Variants in JAKMIP3 observed in about 807,000 individuals in gnomAD.
JAKMIP3 encodes Janus kinase and microtubule interacting protein 3.
Under a neutral mutation model 118.5 loss-of-function variants are expected in JAKMIP3, and 58 were observed. The observed-to-expected ratio is 0.49, with a 90% CI of 0.40 to 0.61. The LOEUF (loss-of-function observed/expected upper bound fraction) is 0.61. Ranked by LOEUF, JAKMIP3 falls within the 20% of genes least tolerant of loss-of-function variation. JAKMIP3 has a pLI of 0.00. For synonymous variants in JAKMIP3, 486 were observed against 451.2 expected, an observed-to-expected ratio of 1.08 and a Z score of -0.98; for missense variants, 950 against 1,109.0, an observed-to-expected ratio of 0.86 and a Z score of 2.04.
At chr10:132,171,650 T>TTG (rs2059499910) in intron 23 of JAKMIP3, among the ~76,000 whole-genome samples, 1 of 130,206 alleles carries the variant, frequency 7.7e-6, no homozygotes, top group Non-Finnish European at 1.7e-5. Context: ...ATTTTTTTCT[T>TTG]TCTTTTTTTT....
At chr10:132,181,765 C>T (rs1043489602) in intron 23 of JAKMIP3, among the ~76,000 whole-genome samples, 3 of 152,094 alleles carry the variant, frequency 2.0e-5, no homozygotes, top group Admixed American at 6.5e-5. Flanking sequence ...ATTAGAAAAC[C>T]GTGGTGTCTC....
At chr10:132,079,902 T>C (rs1346320251) in intron 1 of JAKMIP3, among the ~76,000 whole-genome samples, 4 of 152,258 alleles carry the variant, frequency 2.6e-5, no homozygotes, top group Non-Finnish European at 5.9e-5. Flanking sequence ...ATCTTGCTTA[T>C]CCATTCATCT....
intron 1 of JAKMIP3, among the ~76,000 whole-genome samples, chr10:132,103,984 CCTT>C (rs1304247619): frequency 2.6e-5 from 4 of 152,228 alleles, no homozygotes; most frequent in Non-Finnish European, 4.4e-5. Context: ...CGGCATTTGT[CCTT>C]CTGTGACCGG....
At chr10:132,151,317 A>C (rs543331177) in intron 16 of JAKMIP3, among the ~76,000 whole-genome samples, 26 of 152,034 alleles carry the variant, frequency 1.7e-4, no homozygotes, top group African/African-American at 5.3e-4. Flanking sequence ...CCATCTATCC[A>C]TCCCTCATCC....
chr10:132,163,702 G>A (rs2058612060), intron 20 of JAKMIP3, among the ~76,000 whole-genome samples: 1 of 152,230 alleles, frequency 6.6e-6, no homozygotes, highest in Admixed American at 6.5e-5. Context: ...CACCCCTGGT[G>A]GCCATGCCTG....
At chr10:132,046,395 G>T (rs2037917051) in intron 1 of JAKMIP3, among the ~76,000 whole-genome samples, 1 of 152,008 alleles carries the variant, frequency 6.6e-6, no homozygotes, top group Non-Finnish European at 1.5e-5. Flanking sequence ...GGCGGAGCTT[G>T]CAGTGAGCCG....
At chr10:132,152,849 A>T (rs975306210) in intron 16 of JAKMIP3, 109 bp from the exon 17 acceptor site, 5 of 801,468 alleles carry the variant, frequency 6.2e-6, no homozygotes, top group South Asian at 3.1e-5. Flanking sequence ...GCCCCCACCC[A>T]GGCGTCCCCA....
chr10:132,046,714 A>G (rs1254216156), intron 1 of JAKMIP3, among the ~76,000 whole-genome samples: 1 of 152,204 alleles, frequency 6.6e-6, no homozygotes, highest in East Asian at 1.9e-4. Flanking sequence ...AACAGAAGAG[A>G]ATTCTGTATA....
Position 132,182,967 on chromosome 10 carries a change from C to A in JAKMIP3, c.*1714C>A, listed in dbSNP as rs1381862719. The A allele has an allele frequency of 1.3e-5, 2 of 152,222 alleles. No homozygotes were observed. Among genetic ancestry groups the A allele is most frequent in the African/African-American group, 4.8e-5 (2 of 41,450 alleles). 9.4% of individuals were successfully genotyped at this position (152,222 alleles called of 1,614,324 possible). ...AGACCCATCCATTTCTGTTGTCATT[C>A]AAGCCACAGTTCCTGATTTACTCGG... On this transcript the variant is annotated 3_prime_UTR_variant, in exon 24 of 24. Coordinates refer to ENST00000684848, the MANE Select transcript of JAKMIP3 (RefSeq NM_001323087.2).
At chr10:132,047,882 C>A (rs865908671) in intron 1 of JAKMIP3, among the ~76,000 whole-genome samples, 69 of 152,246 alleles carry the variant, frequency 4.5e-4, no homozygotes, top group South Asian at 8.3e-4. Flanking sequence ...CCCCGCCCCG[C>A]CCCCCGCGAG....
upstream of JAKMIP3, among the ~76,000 whole-genome samples, chr10:132,061,244 G>GCGCA (rs564208595): frequency 7.7e-6 from 1 of 130,650 alleles, no homozygotes; most frequent in Admixed American, 7.4e-5. Context: ...CCGTGACGGC[G>GCGCA]CACACACACA....
intron 19 of JAKMIP3, among the ~76,000 whole-genome samples, chr10:132,157,648 C>G (rs1340426319): frequency 6.6e-6 from 1 of 152,178 alleles, no homozygotes; most frequent in Non-Finnish European, 1.5e-5. Flanking sequence ...CTGGTGAGCT[C>G]AAAGTCTAAC....
chr10:132,095,948 G>A (rs1053077353), intron 1 of JAKMIP3, among the ~76,000 whole-genome samples: 3 of 152,094 alleles, frequency 2.0e-5, no homozygotes, highest in African/African-American at 7.2e-5. Flanking sequence ...TTCCACCCAT[G>A]GTAGAATCCG....
At chr10:132,153,446 A>G (rs988535197) in intron 17 of JAKMIP3, among the ~76,000 whole-genome samples, 61 of 152,208 alleles carry the variant, frequency 4.0e-4, no homozygotes, top group Admixed American at 3.7e-3. Context: ...AGGGGTTTGG[A>G]GAAACAGGCC....
At chr10:132,092,929 C>T (rs559076730) in intron 1 of JAKMIP3, among the ~76,000 whole-genome samples, 9 of 152,220 alleles carry the variant, frequency 5.9e-5, no homozygotes, top group Admixed American at 2.6e-4. Flanking sequence ...TTGATGGTGA[C>T]GTACAGATGG....
chr10:132,154,001 C>A lies in JAKMIP3; in HGVS notation c.2220+11C>A, dbSNP rs757412278. ...GACCAGGCCAACAAGGTGAGAGGCA[C>A]GAGACTGCTGGAACCCCGGGGAGGG... On this transcript the variant is annotated intron_variant, in intron 19 of 23. Transcript: ENST00000684848. 4 of 1,612,178 alleles carry A rather than the reference C, an allele frequency of 2.5e-6. No individual in the cohort carries two copies. The highest frequency in any genetic ancestry group is 1.3e-5 in the African/African-American group (1 of 75,034).
chr10:132,080,492 C>G (rs1056441857), intron 1 of JAKMIP3, among the ~76,000 whole-genome samples: 7 of 97,386 alleles, frequency 7.2e-5, no homozygotes, highest in African/African-American at 2.7e-4. Flanking sequence ...TTCTTGCTGT[C>G]AAGTTATAGG....
rs575207945 is a variant in JAKMIP3 at position 132,117,798 on chromosome 10, G to A, written c.633+224G>A. 2.0e-5 allele frequency among the ~76,000 whole-genome samples: 3 copies of A among 152,184 alleles called. No homozygotes were observed. The highest frequency in any genetic ancestry group is 2.9e-5 in the Non-Finnish European group (2 of 68,026). On this transcript the variant is annotated intron_variant, in intron 3 of 23. Coordinates refer to ENST00000684848, the MANE Select transcript of JAKMIP3 (RefSeq NM_001323087.2). This position sits in a 1 kb window ranked among gnomAD's most constrained non-coding sequence, Gnocchi z 8.6. ...CCACTAGAAAAGGTTCAGACCCACA[G>A]TCAGGCCCGCACGGGGCAGGCCAGA... is the stretch of plus-strand genomic sequence containing the variant.
At position 132,183,104 on chromosome 10, in the gene JAKMIP3, C is replaced by G; in HGVS notation, c.*1851C>G. On this transcript the variant is annotated 3_prime_UTR_variant, in exon 24 of 24. Coordinates refer to ENST00000684848, the MANE Select transcript of JAKMIP3 (RefSeq NM_001323087.2). ...GCATAGTTTTGTCTCATTTTAACGA[C>G]TGCATCTTCTTGGCACATTTATTAT... The G allele has an allele frequency of 6.6e-6, 1 of 152,224 alleles. No individual in the cohort carries two copies. Among genetic ancestry groups the G allele is most frequent in the South Asian group, 2.1e-4 (1 of 4,832 alleles). 9.4% of individuals were successfully genotyped at this position (152,224 alleles called of 1,614,324 possible).
Sources: allele counts gnomAD v4.1 joint callset (sites outside exome capture counted in the v4.1 genomes callset), GRCh38; gene constraint gnomAD v4.1.1; non-coding constraint Gnocchi (gnomAD v3.1); transcripts MANE v1.5; gene names NCBI Gene and HGNC (gene_info 2026-07-23, HGNC 2026-07-21).